The following NRBP1 variants were observed in gnomAD, a reference collection of about 807,000 sequenced individuals.
NRBP1 encodes the protein nuclear receptor binding protein 1.
Under a neutral mutation model 76.0 loss-of-function variants are expected in NRBP1, and 10 were observed. That is an observed-to-expected ratio of 0.13 (90% CI 0.08 to 0.22). The LOEUF (loss-of-function observed/expected upper bound fraction) is 0.22. Among genes scored for constraint, NRBP1 ranks in the 10% least tolerant of loss-of-function variants. The pLI is 1.00. For synonymous variants in NRBP1, 235 were observed against 240.2 expected (o/e 0.98, Z 0.20); for missense variants, 344 against 646.0 (o/e 0.53, Z 5.07).
intron 10 of NRBP1, among the ~76,000 whole-genome samples, chr2:27,439,484 C>CAA (rs70953858): frequency 0.018 from 1,166 of 66,592 alleles, 28 homozygotes; most frequent in African/African-American, 0.051. Flanking sequence ...GACTCCGTCT[C>CAA]AAAAAAAAAA....
In NRBP1 at chr2:27,435,128, C is replaced by A. The variant is rs765185619; in HGVS notation, c.567-5C>A. ...GGCCCCTCTAACAGCCCAGTGCCCCCACAGCTACCTGCACTCCTGTGACCC... is the reference window on the plus strand; with the variant it reads ...GGCCCCTCTAACAGCCCAGTGCCCCAACAGCTACCTGCACTCCTGTGACCC... On this transcript the variant is annotated splice_region_variant and splice_polypyrimidine_tract_variant and intron_variant, in intron 6 of 17. Transcript: ENST00000379852. The A allele has an allele frequency of 6.2e-7, 1 of 1,612,450 alleles. No individual in the cohort carries two copies. The highest frequency in any genetic ancestry group is 8.5e-7 in the Non-Finnish European group (1 of 1,178,914).
At chr2:27,433,226 C>T (rs753056857) in intron 1 of NRBP1, 28 bp from the exon 2 acceptor site, 20 of 1,489,912 alleles carry the variant, frequency 1.3e-5, no homozygotes, top group Non-Finnish European at 1.7e-5. Context: ...TCTGCCTTTT[C>T]CCTCTGTATT....
At chr2:27,439,689 G>A in intron 10 of NRBP1, 77 bp from the exon 11 acceptor site, 4 of 1,563,528 alleles carry the variant, frequency 2.6e-6, no homozygotes, top group Non-Finnish European at 3.5e-6. Context: ...CTTGTGCTAA[G>A]TAGAATGAGA....
At position 27,436,845 on chromosome 2, in the gene NRBP1, TC is replaced by T; in HGVS notation, c.745+11del. ...TGCACCAGAGTATGGAGGTGAGCCTTCCTGCTTTCTCTGCCCTGTCCTCATC... is the reference window on the plus strand; with the variant it reads ...TGCACCAGAGTATGGAGGTGAGCCTTCTGCTTTCTCTGCCCTGTCCTCATC... On this transcript the variant is annotated intron_variant, in intron 8 of 17. Transcript: ENST00000379852. The T allele has an allele frequency of 6.2e-7, 1 of 1,611,514 alleles. No individual in the cohort carries two copies.
chr2:27,439,269 C>T (rs1310702915), intron 10 of NRBP1, among the ~76,000 whole-genome samples: 3 of 152,010 alleles, frequency 2.0e-5, no homozygotes, highest in East Asian at 1.9e-4. Context: ...GGGTGGATCA[C>T]GAGGTCAGGA....
chr2:27,436,900 G>A (rs1398728278), intron 8 of NRBP1, 64 bp downstream of exon 8: 2 of 1,503,870 alleles, frequency 1.3e-6, no homozygotes, highest in East Asian at 2.3e-5. Flanking sequence ...ATAACTTGAG[G>A]TACAGAGGCA....
At chr2:27,437,449 T>A in intron 10 of NRBP1, 89 bp downstream of exon 10, 12 of 923,438 alleles carry the variant, frequency 1.3e-5, no homozygotes, top group Non-Finnish European at 2.1e-5. Context: ...TATATGCTCC[T>A]AAGAGCTAGG....
intron 11 of NRBP1, 57 bp from the exon 12 acceptor site, chr2:27,440,346 C>T (rs1327062505): frequency 2.4e-6 from 3 of 1,230,060 alleles, no homozygotes; most frequent in East Asian, 2.3e-5. Flanking sequence ...TGCATGCCTT[C>T]TTTGACATTT....
At chr2:27,436,253 G>A (rs913279205) in intron 7 of NRBP1, 1 of 211,852 alleles carries the variant, frequency 4.7e-6, no homozygotes, top group Non-Finnish European at 9.6e-6. Flanking sequence ...TACCTCCTGA[G>A]CTGTATGTTA....
At position 27,439,851 on chromosome 2, in the gene NRBP1, T is replaced by C; in HGVS notation, c.989T>C (p.Val330Ala). ...ELLFHPALFE[V>A]PSLKLLAAHC... ...CTGTTCCACCCAGCATTGTTTGAAGTGCCCTCGCTCAAACTCCTTGCGGCC... is the reference window on the plus strand; with the variant it reads ...CTGTTCCACCCAGCATTGTTTGAAGCGCCCTCGCTCAAACTCCTTGCGGCC... Residue 330 changes from valine to alanine, a missense_variant, in exon 11 of 18, where the codon GTG (valine) becomes GCG (alanine). Val to Ala is a moderately conservative substitution (Grantham distance 64, BLOSUM62 0). Transcript: ENST00000379852. 1 of 1,614,178 alleles carries C rather than the reference T, an allele frequency of 6.2e-7. No homozygotes were observed. The highest frequency in any genetic ancestry group is 8.5e-7 in the Non-Finnish European group (1 of 1,180,010).
At chr2:27,440,333 G>C in intron 11 of NRBP1, 70 bp from the exon 12 acceptor site, 1 of 1,066,470 alleles carries the variant, frequency 9.4e-7, no homozygotes, top group South Asian at 1.3e-5. Context: ...TTACCCCTTT[G>C]CCTGCATGCC....
rs758952449 is a variant in NRBP1, at chr2:27,441,338, T to C, written c.1447+8T>C. 1 of 1,613,456 alleles carries C rather than the reference T, an allele frequency of 6.2e-7. No homozygotes were observed. Among genetic ancestry groups the C allele is most frequent in the Non-Finnish European group, 8.5e-7 (1 of 1,179,490 alleles). On this transcript the variant is annotated splice_region_variant and intron_variant, in intron 16 of 17. Transcript: ENST00000379852. ...GCTGTGACCTGATGCCAAGTGAGTC[T>C]CTCCTTTCCCTCAGAGGATGGAGAG...
Position 27,434,741 on chromosome 2 carries a change from C to T in NRBP1, c.545C>T (p.Thr182Ile). The change falls in exon 6 of 18, where the codon ACA (threonine) becomes ATA (isoleucine). Residue 182 changes from threonine (T) to isoleucine (I), a missense_variant. By Grantham distance (89) the Thr-to-Ile change is moderately conservative. Coordinates refer to ENST00000379852, the MANE Select transcript of NRBP1 (RefSeq NM_013392.4). ...TTCCAGGCATGGAAGCGTTGGTGCA[C>T]ACAAATCCTCTCTGCCCTAAGGTAA... ...MNEKAWKRWC[T>I]QILSALSYLH... 1.2e-6 allele frequency: 2 copies of T among 1,614,164 alleles called. No homozygotes were observed. The highest frequency in any genetic ancestry group is 8.5e-7 in the Non-Finnish European group (1 of 1,180,006).
Position 27,437,112 on chromosome 2 carries a change from G to A in NRBP1, c.804+7G>A, listed in dbSNP as rs183857895. ...TGGCATGTGTGCACTGGAGGTGAGG[G>A]GACTGGAGGGGAGGGGGGAAAGGGG... On this transcript the variant is annotated splice_region_variant and intron_variant, in intron 9 of 17. Transcript: ENST00000379852. 1.9e-6 allele frequency: 3 copies of A among 1,613,054 alleles called. No individual in the cohort carries two copies. Among genetic ancestry groups the A allele is most frequent in the African/African-American group, 1.3e-5 (1 of 75,004 alleles).
In NRBP1 at chr2:27,433,374, T is replaced by G; in HGVS notation, c.101T>G (p.Val34Gly). The G allele has an allele frequency of 1.9e-6, 3 of 1,614,224 alleles. No individual in the cohort carries two copies. Among genetic ancestry groups the G allele is most frequent in the Non-Finnish European group, 2.5e-6 (3 of 1,180,036 alleles). ...GGCCTGACATCAGTGTCACCTCCTG[T>G]GACCTCCACAACCTCAGCTGCTTCC... ...APGLTSVSPP[V>G]TSTTSAASPE... Residue 34 changes from valine (V) to glycine (G), a missense_variant, in exon 2 of 18, where the codon GTG (valine) becomes GGG (glycine). Coordinates refer to ENST00000379852, the MANE Select transcript of NRBP1 (RefSeq NM_013392.4).
chr2:27,437,609 C>T (rs1056367193), intron 10 of NRBP1, among the ~76,000 whole-genome samples: 5 of 152,114 alleles, frequency 3.3e-5, no homozygotes, highest in Admixed American at 2.0e-4. Flanking sequence ...TGGTGGCTCA[C>T]GCCTGTAATC....
At chr2:27,433,125 C>A (rs902828125) in intron 1 of NRBP1, 129 bp from the exon 2 acceptor site, 24 of 601,908 alleles carry the variant, frequency 4.0e-5, no homozygotes, top group Non-Finnish European at 6.8e-5. Flanking sequence ...GTGATCTGCC[C>A]ACCTCAGCCT....
At chr2:27,434,208 AGCT>A in intron 4 of NRBP1, 118 bp downstream of exon 4, 1 of 868,388 alleles carries the variant, frequency 1.2e-6, no homozygotes, top group African/African-American at 1.7e-5. Context: ...AACTGGAATC[AGCT>A]GCAATGGCGA....
At chr2:27,428,485 G>A (rs1018094875), upstream of NRBP1, 5 of 394,362 alleles carry the variant, frequency 1.3e-5, no homozygotes, top group African/African-American at 6.2e-5. Flanking sequence ...ACCGGCGCAA[G>A]GGGAGGAGAG....
Sources: allele counts gnomAD v4.1 joint callset (sites outside exome capture counted in the v4.1 genomes callset), GRCh38; gene constraint gnomAD v4.1.1; transcripts MANE v1.5; gene names NCBI Gene and HGNC (gene_info 2026-07-23, HGNC 2026-07-21).